SPECC1: variants seen among roughly 807,000 people sequenced by gnomAD.
SPECC1 encodes the protein cytospin-B.
In SPECC1, 62 loss-of-function variants were observed where a neutral mutation model predicts 104.1. That is an observed-to-expected ratio of 0.60 (90% confidence interval 0.49 to 0.74). The LOEUF is 0.74. Ranked by LOEUF, SPECC1 falls within the 30% of genes least tolerant of loss-of-function variation. The pLI, the probability that SPECC1 is intolerant of heterozygous loss-of-function variation, is 0.00. For missense variants in SPECC1, 1,306 were observed against 1,310.5 expected (o/e 1.00, Z 0.05); for synonymous variants, 513 against 501.6 (o/e 1.02, Z -0.30).
At chr17:20,270,039 A>G (rs1423808098) in intron 12 of SPECC1, among the ~76,000 whole-genome samples, 4 of 152,152 alleles carry the variant, frequency 2.6e-5, no homozygotes, top group African/African-American at 9.7e-5. Flanking sequence ...TCCATTTATA[A>G]GAAATATCCA....
chr17:20,117,942 A>C (rs2048842284), intron 3 of SPECC1, among the ~76,000 whole-genome samples: 1 of 151,456 alleles, frequency 6.6e-6, no homozygotes, highest in African/African-American at 2.4e-5. Context: ...CTGTCTGTAC[A>C]AAAAATACAA....
chr17:20,257,347 C>T (rs1350549127), intron 10 of SPECC1, 104 bp from the exon 11 acceptor site: 5 of 1,307,130 alleles, frequency 3.8e-6, no homozygotes, highest in Non-Finnish European at 3.1e-6. Flanking sequence ...TATATGTTTG[C>T]ACTTGAGGAT....
intron 1 of SPECC1, among the ~76,000 whole-genome samples, chr17:20,079,310 G>A (rs1378857066): frequency 1.3e-5 from 2 of 152,008 alleles, no homozygotes; most frequent in Non-Finnish European, 2.9e-5. Flanking sequence ...ATTTATGTAT[G>A]TATTTTTAGA....
chr17:20,060,080 G>A (rs974103244), intron 1 of SPECC1, among the ~76,000 whole-genome samples: 4 of 152,066 alleles, frequency 2.6e-5, no homozygotes, highest in Non-Finnish European at 5.9e-5. Flanking sequence ...TGATGAAAAT[G>A]TTTATCATTA....
At chr17:20,087,926 A>C (rs1321704942) in intron 1 of SPECC1, among the ~76,000 whole-genome samples, 1 of 152,176 alleles carries the variant, frequency 6.6e-6, no homozygotes, top group Non-Finnish European at 1.5e-5. Context: ...CTTGGAGCAG[A>C]GACTGACCTA....
chr17:20,096,336 G>C (rs2058921), intron 1 of SPECC1, among the ~76,000 whole-genome samples: 1 of 152,198 alleles, frequency 6.6e-6, no homozygotes, highest in African/African-American at 2.4e-5. Context: ...GATACATAGT[G>C]TATGGGTATT....
At chr17:20,063,093 CT>C (rs1357966841) in intron 1 of SPECC1, among the ~76,000 whole-genome samples, 1 of 152,168 alleles carries the variant, frequency 6.6e-6, no homozygotes, top group Non-Finnish European at 1.5e-5. Context: ...ATGAAAGAGA[CT>C]ATTTTCTATA....
At chr17:20,299,087 C>T (rs1470003365) in intron 13 of SPECC1, among the ~76,000 whole-genome samples, 2 of 151,702 alleles carry the variant, frequency 1.3e-5, no homozygotes, top group Non-Finnish European at 2.9e-5. Flanking sequence ...AGCCAGCAGG[C>T]TGGAGACTCA....
chr17:20,145,718 A>G (rs1444982195), intron 3 of SPECC1, among the ~76,000 whole-genome samples: 1 of 152,198 alleles, frequency 6.6e-6, no homozygotes, highest in African/African-American at 2.4e-5. Context: ...TAGGCTGTGC[A>G]TGAAGGATCT....
intron 1 of SPECC1, among the ~76,000 whole-genome samples, chr17:20,018,301 CTT>C (rs1745204790): frequency 6.6e-6 from 1 of 152,198 alleles, no homozygotes; most frequent in Admixed American, 6.5e-5. Flanking sequence ...CATCGGCACT[CTT>C]GTTTTCCAGG....
At chr17:20,045,956 T>C (rs1469306291) in intron 1 of SPECC1, among the ~76,000 whole-genome samples, 5 of 152,022 alleles carry the variant, frequency 3.3e-5, no homozygotes, top group Admixed American at 3.3e-4. Context: ...TTGGAAGATA[T>C]GCTTATCTTT....
At chr17:20,219,965 T>G (rs749805823) in intron 4 of SPECC1, among the ~76,000 whole-genome samples, 4 of 152,194 alleles carry the variant, frequency 2.6e-5, no homozygotes, top group Non-Finnish European at 4.4e-5. Context: ...CTTGGCACCT[T>G]TGTCGAAAAT....
At chr17:20,077,550 T>A (rs955385694) in intron 1 of SPECC1, among the ~76,000 whole-genome samples, 1 of 152,078 alleles carries the variant, frequency 6.6e-6, no homozygotes, top group South Asian at 2.1e-4. Context: ...CACCACAACC[T>A]CTGCCTCCCA....
chr17:20,301,831 G>A (rs2041596287), intron 13 of SPECC1, among the ~76,000 whole-genome samples: 1 of 151,822 alleles, frequency 6.6e-6, no homozygotes, highest in Non-Finnish European at 1.5e-5. Flanking sequence ...TCAACCTCTC[G>A]AGTAGCTGTG....
At position 20,232,261 on chromosome 17, in the gene SPECC1, A is replaced by G. The variant is rs370337154; in HGVS notation, c.2207A>G (p.Asn736Ser). ...CTGCAGACCGCAGTGGTGGTGGCCA[A>G]TGACATCAAGTGTGAGGCCCAGCAG... ...ADLQTAVVVA[N>S]DIKCEAQQEL... The change falls in exon 7 of 15, where the codon AAT becomes AGT. Residue 736 changes from asparagine (N) to serine (S), a missense_variant. Asn to Ser is a conservative substitution (Grantham distance 46). Coordinates refer to ENST00000395527, the MANE Select transcript of SPECC1 (RefSeq NM_001243439.2). 9.9e-6 allele frequency: 16 copies of G among 1,614,078 alleles called. No individual in the cohort carries two copies. Among genetic ancestry groups the G allele is most frequent in the East Asian group, 4.5e-5 (2 of 44,888 alleles).
rs183777300 is a variant in SPECC1 at position 20,318,815 on chromosome 17, A to G, written c.*4750A>G. The G allele has an allele frequency of 4.7e-6, 1 of 211,552 alleles. No individual in the cohort carries two copies. Among genetic ancestry groups the G allele is most frequent in the East Asian group, 7.1e-5 (1 of 14,046 alleles). The allele number at this position is 211,552 out of a possible 1,614,324, so 13.1% of individuals were successfully genotyped here. A position where few individuals can be genotyped will look rare whatever the true frequency, so the allele number is the denominator to read the frequency against. On this transcript the variant is annotated 3_prime_UTR_variant, in exon 15 of 15. Transcript: ENST00000395527. ...TTGCTAAATCTGTAGCATCCTGAAT[A>G]GCACACTAATTTTTTTTTTTAGCAC... is the stretch of plus-strand genomic sequence containing the variant.
Position 20,316,065 on chromosome 17 carries a change from CA to C in SPECC1, c.*2001del. ...TCCTGAGCAGCTGTTGGGCGATGGT[CA>C]TTACATCACCCATGCCTTTGTATTT... On this transcript the variant is annotated 3_prime_UTR_variant, in exon 15 of 15. Coordinates refer to ENST00000395527, the MANE Select transcript of SPECC1 (RefSeq NM_001243439.2). 1 of 232,508 alleles carries C rather than the reference CA, an allele frequency of 4.3e-6. No individual in the cohort carries two copies. Among genetic ancestry groups the C allele is most frequent in the Non-Finnish European group, 8.5e-6 (1 of 117,554 alleles). The allele number at this position is 232,508 out of a possible 1,614,324, so 14.4% of individuals were successfully genotyped here.
chr17:20,146,677 C>T lies in SPECC1; in HGVS notation c.283+36115C>T, dbSNP rs113371945. ...ATCCTGGAACTTTGGGAGGCTGAGG[C>T]GGGTGGAACATGAGGTCAGGAGTTC... On this transcript the variant is annotated intron_variant, in intron 3 of 14. Coordinates refer to ENST00000395527, the MANE Select transcript of SPECC1 (RefSeq NM_001243439.2). Among the ~76,000 whole-genome samples the T allele has an allele frequency of 6.2e-3, 946 of 152,154 alleles. 5 individuals carry two copies. The highest frequency in any genetic ancestry group is 0.02 in the African/African-American group (834 of 41,518).
chr17:20,170,017 G>C (rs1024346485), intron 3 of SPECC1, among the ~76,000 whole-genome samples: 2 of 152,208 alleles, frequency 1.3e-5, no homozygotes, highest in African/African-American at 4.8e-5. Context: ...CAGGTATCCT[G>C]AAGACTTTAC....
Sources: allele counts gnomAD v4.1 joint callset (sites outside exome capture counted in the v4.1 genomes callset), GRCh38; gene constraint gnomAD v4.1.1; transcripts MANE v1.5; gene names NCBI Gene and HGNC (gene_info 2026-07-23, HGNC 2026-07-21).